Variants in DMD observed in about 807,000 individuals in gnomAD.
The protein encoded by DMD is mutant dystrophin.
Under a neutral mutation model 330.1 loss-of-function variants are expected in DMD, and 63 were observed. That is an observed-to-expected ratio of 0.19 (90% CI 0.16 to 0.24). DMD has a LOEUF of 0.24. Among genes scored for constraint, DMD ranks in the 10% least tolerant of loss-of-function variants. The pLI, the probability that DMD is intolerant of heterozygous loss-of-function variation, is 1.00. For missense variants in DMD, 3,344 were observed against 2,684.1 expected, an observed-to-expected ratio of 1.25 and a Z score of -5.43; for synonymous variants, 1,223 against 959.8, an observed-to-expected ratio of 1.27 and a Z score of -5.07.
chrX:32,201,256 T>C (rs1372702374), intron 44 of DMD, among the ~76,000 whole-genome samples: 1 of 112,099 alleles, frequency 8.9e-6, no homozygotes, highest in Non-Finnish European at 1.9e-5. Flanking sequence ...GAAAATCATG[T>C]GAATGTGATC....
chrX:32,917,773 A>G (rs947177840), intron 2 of DMD, among the ~76,000 whole-genome samples: 30 of 111,763 alleles, frequency 2.7e-4, no homozygotes, highest in African/African-American at 9.8e-4. Flanking sequence ...TTCCAGAAAG[A>G]CAATATGGCT....
chrX:31,925,018 T>A (rs1055672174), intron 47 of DMD, among the ~76,000 whole-genome samples: 1 of 109,188 alleles, frequency 9.2e-6, no homozygotes, highest in Admixed American at 9.6e-5. Context: ...TTAAAAATAG[T>A]AGGATTTTAA....
intron 45 of DMD, among the ~76,000 whole-genome samples, chrX:31,953,078 A>G (rs780850882): frequency 8.0e-5 from 9 of 112,577 alleles, no homozygotes; most frequent in African/African-American, 2.9e-4. Flanking sequence ...GGTTCTTTAT[A>G]TGTGTTAAAG....
At chrX:32,546,733 C>G (rs185099533) in intron 16 of DMD, among the ~76,000 whole-genome samples, 10 of 111,091 alleles carry the variant, frequency 9.0e-5, no homozygotes, top group African/African-American at 3.3e-4. Context: ...GTTTTATCTT[C>G]TCTAGGATCT....
intron 2 of DMD, among the ~76,000 whole-genome samples, chrX:32,939,561 A>G (rs2090257785): frequency 8.9e-6 from 1 of 111,902 alleles, no homozygotes; most frequent in African/African-American, 3.2e-5. Context: ...AGTTCATTTT[A>G]TGCAGCATTT....
chrX:32,270,039 T>C (rs928136179), intron 43 of DMD, among the ~76,000 whole-genome samples: 1 of 112,127 alleles, frequency 8.9e-6, no homozygotes, highest in East Asian at 2.8e-4. Flanking sequence ...TTTAAACAAA[T>C]TTTGCCAAGA....
At chrX:32,286,370 G>T (rs1478425517) in intron 43 of DMD, among the ~76,000 whole-genome samples, 1 of 111,774 alleles carries the variant, frequency 8.9e-6, no homozygotes, top group Non-Finnish European at 1.9e-5. Context: ...ATAGTTTTAG[G>T]ATTTCTAGAA....
chrX:32,436,542 G>T (rs943263118), intron 29 of DMD, among the ~76,000 whole-genome samples: 3 of 111,613 alleles, frequency 2.7e-5, no homozygotes, highest in Non-Finnish European at 5.6e-5. Flanking sequence ...AAAATAGAAG[G>T]TTATAAGTAG....
At chrX:32,961,863 A>C (rs1283534325) in intron 2 of DMD, among the ~76,000 whole-genome samples, 2 of 111,785 alleles carry the variant, frequency 1.8e-5, no homozygotes, top group African/African-American at 6.5e-5. Flanking sequence ...AGTTTTGCAC[A>C]TATTATACTT....
intron 11 of DMD, among the ~76,000 whole-genome samples, chrX:32,618,353 T>A (rs768712347): frequency 2.8e-4 from 31 of 111,805 alleles, no homozygotes; most frequent in Non-Finnish European, 4.7e-4. Flanking sequence ...AAGATTATGT[T>A]CTTTGCAGAA....
At chrX:32,466,425 C>G (rs979822319) in intron 23 of DMD, among the ~76,000 whole-genome samples, 1 of 111,353 alleles carries the variant, frequency 9.0e-6, no homozygotes, top group Non-Finnish European at 1.9e-5. Context: ...CTTTCCCATA[C>G]TGTTTAATTT....
At chrX:31,155,611 A>AG (rs765895728) in intron 74 of DMD, among the ~76,000 whole-genome samples, 7 of 111,446 alleles carry the variant, frequency 6.3e-5, no homozygotes, top group African/African-American at 2.3e-4. Flanking sequence ...GCCAATCAGC[A>AG]GTTTTTTTTT....
intron 73 of DMD, among the ~76,000 whole-genome samples, chrX:31,171,576 A>C (rs1275039129): frequency 9.0e-6 from 1 of 111,019 alleles, no homozygotes; most frequent in Non-Finnish European, 1.9e-5. Context: ...TTTCCTTCAT[A>C]TTTGCTTCAA....
chrX:32,768,886 A>G (rs766088588), intron 7 of DMD, among the ~76,000 whole-genome samples: 27 of 111,751 alleles, frequency 2.4e-4, no homozygotes, highest in Admixed American at 2.3e-3. Context: ...CAGCCACTGC[A>G]TTATCCTTGT....
intron 64 of DMD, among the ~76,000 whole-genome samples, chrX:31,215,587 T>G (rs2045333549): frequency 8.9e-6 from 1 of 112,335 alleles, no homozygotes; most frequent in Non-Finnish European, 1.9e-5. Context: ...CCTGAGGGAA[T>G]ATTTACCCAG....
intron 1 of DMD, among the ~76,000 whole-genome samples, chrX:33,031,737 C>T (rs777818758): frequency 1.1e-4 from 12 of 110,904 alleles, no homozygotes; most frequent in African/African-American, 2.3e-4. Context: ...TGCCACTGCA[C>T]TCCAGCCCCG....
rs990526999 is a variant in DMD, at chrX:33,097,949, T to G, written c.32-77749A>C. Among the ~76,000 whole-genome samples the G allele has an allele frequency of 3.6e-5, 4 of 111,366 alleles. No individual in the cohort carries two copies. The Admixed American group carries it at 3.8e-4, about 11-fold the overall frequency. ...ACATTTTAAGGGCTCAATAGTCACATATGGCTATTGGCTACTATATTGGTC... is the reference window on the plus strand; with the variant it reads ...ACATTTTAAGGGCTCAATAGTCACAGATGGCTATTGGCTACTATATTGGTC... On this transcript the variant is annotated intron_variant, in intron 1 of 78. Transcript: ENST00000357033.
intron 1 of DMD, among the ~76,000 whole-genome samples, chrX:33,228,859 C>T (rs1202260025): frequency 2.7e-5 from 3 of 110,153 alleles, no homozygotes; most frequent in Non-Finnish European, 5.7e-5. Flanking sequence ...CATTTCTCCA[C>T]ATTTTTGCTA....
chrX:31,829,602 T>C (rs1355058842), intron 49 of DMD, among the ~76,000 whole-genome samples: 3 of 111,651 alleles, frequency 2.7e-5, no homozygotes, highest in South Asian at 3.8e-4. Context: ...GAAATAGATA[T>C]TATTTGATGT....
Sources: gnomAD v4.1 joint callset for allele counts (sites outside exome capture counted in the v4.1 genomes callset) on GRCh38, gnomAD v4.1.1 for gene constraint, MANE v1.5 for transcripts, NCBI Gene and HGNC (gene_info 2026-07-23, HGNC 2026-07-21) for gene names.